The following SLIT3 variants were observed in gnomAD, a reference collection of about 807,000 sequenced individuals.
The protein encoded by SLIT3 is slit homolog 3 protein.
A neutral mutation model predicts 184.0 loss-of-function variants in SLIT3; 68 were observed. That is an observed-to-expected ratio of 0.37 (90% CI 0.30 to 0.45). The LOEUF is 0.45. Among genes scored for constraint, SLIT3 ranks in the 20% least tolerant of loss-of-function variants. SLIT3 has a pLI of 1.00. For synonymous variants in SLIT3, 831 were observed against 828.6 expected, an observed-to-expected ratio of 1.00 and a Z score of -0.05; for missense variants, 1,707 against 2,026.0, an observed-to-expected ratio of 0.84 and a Z score of 3.02.
intron 32 of SLIT3, among the ~76,000 whole-genome samples, chr5:168,677,008 T>C (rs935975294): frequency 3.9e-5 from 6 of 152,204 alleles, no homozygotes; most frequent in African/African-American, 1.2e-4. Context: ...GAGGGCTGTG[T>C]GGTCACTGGC....
chr5:168,762,642 G>A lies in SLIT3; in HGVS notation c.1507C>T (p.Leu503Phe). The A allele has an allele frequency of 1.2e-6, 2 of 1,614,160 alleles. No individual in the cohort carries two copies. The highest frequency in any genetic ancestry group is 1.3e-5 in the African/African-American group (1 of 75,044). Residue 503 changes from leucine to phenylalanine, a missense_variant, in exon 15 of 36, where the codon CTC becomes TTC. Leu to Phe is a conservative substitution (Grantham distance 22, BLOSUM62 0). Transcript: ENST00000519560. ...CAGCGACACTTCTCGGGGCACACGA[G>A]GTCCATGAAGCACTCGCTGCTGAAC... Reference protein sequence around the residue: ...SRFSSECFMDLVCPEKCRCEG... With the variant: ...SRFSSECFMDFVCPEKCRCEG...
intron 7 of SLIT3, among the ~76,000 whole-genome samples, chr5:168,819,385 G>A (rs1262019207): frequency 6.6e-6 from 1 of 152,246 alleles, no homozygotes; most frequent in African/African-American, 2.4e-5. Context: ...CAGTAGGTCT[G>A]TCTGGGACAA....
Position 168,710,909 on chromosome 5 carries a change from C to A in SLIT3, c.2705G>T (p.Arg902Leu). The change falls in exon 25 of 36, where the codon CGC (arginine) becomes CTC (leucine). Residue 902 changes from arginine to leucine, a missense_variant. Around this residue, in one of 3 missense-constraint regions of SLIT3, gnomAD observed 1,307 missense variants for 1,511.6 expected, o/e 0.86. Transcript: ENST00000519560. ...GCGTCACCTACCTTTGCACTGGAAG[C>A]GGTGGGTTGGGGTGGTGAGCAGGAG... is the stretch of plus-strand genomic sequence containing the variant. ...DRLLLTTPTHRFQCKGPVDIN... is the reference protein window; with the variant it reads ...DRLLLTTPTHLFQCKGPVDIN... The A allele has an allele frequency of 1.3e-6, 2 of 1,547,094 alleles. No homozygotes were observed. Among genetic ancestry groups the A allele is most frequent in the Non-Finnish European group, 1.7e-6 (2 of 1,143,456 alleles).
intron 4 of SLIT3, among the ~76,000 whole-genome samples, chr5:168,946,477 G>A (rs1762486698): frequency 6.6e-6 from 1 of 152,230 alleles, no homozygotes; most frequent in South Asian, 2.1e-4. Flanking sequence ...CAAGCCCCAA[G>A]GGGCAGCGGC....
intron 4 of SLIT3, among the ~76,000 whole-genome samples, chr5:169,073,314 T>C (rs1036125717): frequency 1.3e-5 from 2 of 152,178 alleles, no homozygotes; most frequent in Non-Finnish European, 2.9e-5. Flanking sequence ...AGTTGGTCAG[T>C]TGGGCCTTGG....
chr5:169,202,998 T>C (rs297856), intron 3 of SLIT3, among the ~76,000 whole-genome samples: 47,656 of 151,896 alleles, frequency 0.31, 8,468 homozygotes, highest in East Asian at 0.69. Flanking sequence ...ATCCAGAAGA[T>C]CTTGATTTCA....
At chr5:168,723,667 G>A (rs913747886) in intron 21 of SLIT3, among the ~76,000 whole-genome samples, 1 of 152,216 alleles carries the variant, frequency 6.6e-6, no homozygotes, top group African/African-American at 2.4e-5. Flanking sequence ...GAGGACTGAG[G>A]TTGGTGGGGG....
intron 16 of SLIT3, among the ~76,000 whole-genome samples, chr5:168,754,580 A>G (rs1581041712): frequency 1.3e-5 from 2 of 152,210 alleles, no homozygotes; most frequent in South Asian, 2.1e-4. Flanking sequence ...TAGGGTGACT[A>G]TAGTTAACAA....
At chr5:168,819,392 A>G (rs1463240959) in intron 7 of SLIT3, among the ~76,000 whole-genome samples, 2 of 152,270 alleles carry the variant, frequency 1.3e-5, no homozygotes, top group Non-Finnish European at 1.5e-5. Flanking sequence ...TCTGTCTGGG[A>G]CAAAGCAGAC....
chr5:168,674,013 G>A (rs941414123), intron 32 of SLIT3, among the ~76,000 whole-genome samples: 8 of 152,102 alleles, frequency 5.3e-5, no homozygotes, highest in African/African-American at 1.9e-4. Flanking sequence ...GGTTAGCATT[G>A]TTCTAAAAAA....
intron 1 of SLIT3, among the ~76,000 whole-genome samples, chr5:169,293,335 T>C (rs948173284): frequency 1.3e-5 from 2 of 152,070 alleles, no homozygotes; most frequent in African/African-American, 4.8e-5. Flanking sequence ...TCACTAGATA[T>C]CATCAAGCAA....
rs1767641479 is a variant in SLIT3, at chr5:169,300,263, T to C, written c.197+250A>G. Among the ~76,000 whole-genome samples, 1 of 152,210 alleles carries C rather than the reference T, an allele frequency of 6.6e-6. No individual in the cohort carries two copies. ...CTCCTTGGAAGCTGTCAGCGGGCCC[T>C]GCGTCTGGAACCCTCACCCCTGGAG... On this transcript the variant is annotated intron_variant, in intron 1 of 35. Coordinates refer to ENST00000519560, the MANE Select transcript of SLIT3 (RefSeq NM_003062.4). The surrounding 1 kb of genome is among the most constrained non-coding windows in gnomAD (Gnocchi z 4.1).
intron 4 of SLIT3, among the ~76,000 whole-genome samples, chr5:168,936,918 G>C (rs574007680): frequency 1.2e-4 from 18 of 152,214 alleles, no homozygotes; most frequent in South Asian, 8.3e-4. Flanking sequence ...TCTACTTTGG[G>C]GGATGTACTT....
intron 8 of SLIT3, among the ~76,000 whole-genome samples, chr5:168,811,612 T>G (rs1757159389): frequency 6.6e-6 from 1 of 152,198 alleles, no homozygotes; most frequent in Non-Finnish European, 1.5e-5. Flanking sequence ...CACTGTTGTG[T>G]TAGAGCAGTG....
intron 1 of SLIT3, among the ~76,000 whole-genome samples, chr5:169,296,465 C>G (rs1767503526): frequency 6.6e-6 from 1 of 152,178 alleles, no homozygotes; most frequent in Non-Finnish European, 1.5e-5. Flanking sequence ...CTCAGCTGCT[C>G]CTTAGTCTGT....
intron 4 of SLIT3, among the ~76,000 whole-genome samples, chr5:169,099,885 G>A (rs1237680034): frequency 6.6e-6 from 1 of 152,208 alleles, no homozygotes; most frequent in African/African-American, 2.4e-5. Context: ...AGGCAAGGAG[G>A]GCATCTGCCA....
At chr5:169,202,452 T>C (rs745713612) in intron 3 of SLIT3, among the ~76,000 whole-genome samples, 2 of 152,300 alleles carry the variant, frequency 1.3e-5, no homozygotes, top group Non-Finnish European at 1.5e-5. Flanking sequence ...AGCAAGGTTA[T>C]GTAGCTTTTC....
intron 3 of SLIT3, among the ~76,000 whole-genome samples, chr5:169,212,397 G>A (rs1315386367): frequency 6.6e-6 from 1 of 151,840 alleles, no homozygotes; most frequent in African/African-American, 2.4e-5. Flanking sequence ...TTTCATGTTT[G>A]TTGGCTGCAT....
At chr5:168,783,154 C>T (rs565090482) in intron 12 of SLIT3, among the ~76,000 whole-genome samples, 7 of 152,172 alleles carry the variant, frequency 4.6e-5, no homozygotes, top group South Asian at 2.1e-4. Context: ...TTCCTTTGAA[C>T]GCTAAGATTT....
Sources: allele counts gnomAD v4.1 joint callset (sites outside exome capture counted in the v4.1 genomes callset), GRCh38; gene constraint gnomAD v4.1.1; regional missense constraint gnomAD v4.1.1; non-coding constraint Gnocchi (gnomAD v3.1); transcripts MANE v1.5; gene names NCBI Gene and HGNC (gene_info 2026-07-23, HGNC 2026-07-21).